The following CARS2 variants were observed in gnomAD, a reference collection of about 807,000 sequenced individuals.
CARS2 encodes the protein cysteinyl-tRNA synthetase 2, mitochondrial.
Under a neutral mutation model 68.8 loss-of-function variants are expected in CARS2, and 52 were observed. The ratio of observed to expected loss-of-function variants is 0.76; its 90% CI spans 0.61 to 0.95. CARS2 has a LOEUF of 0.95. CARS2 is among the 40% of genes least tolerant of loss of function. The pLI is 0.00. For missense variants in CARS2, 780 were observed against 754.2 expected, an observed-to-expected ratio of 1.03 and a Z score of -0.40; for synonymous variants, 314 against 303.6, an observed-to-expected ratio of 1.03 and a Z score of -0.36.
chr13:110,642,231 G>C, intron 14 of CARS2, 84 bp downstream of exon 14: 2 of 1,050,320 alleles, frequency 1.9e-6, no homozygotes, highest in Non-Finnish European at 2.8e-6. Context: ...GGTCACGGGG[G>C]ATGTCTGGGC....
At chr13:110,683,247 C>T in intron 5 of CARS2, 113 bp from the exon 6 acceptor site, 1 of 625,046 alleles carries the variant, frequency 1.6e-6, no homozygotes, top group Non-Finnish European at 2.6e-6. Context: ...TAGCATTTGG[C>T]CCCATATACA....
At chr13:110,680,163 G>T (rs983067191) in intron 6 of CARS2, among the ~76,000 whole-genome samples, 4 of 56,634 alleles carry the variant, frequency 7.1e-5, no homozygotes, top group South Asian at 4.5e-4. Flanking sequence ...GGGGGGGGGG[G>T]GGTGGATCAC....
exon 1 of CARS2, chr13:110,713,291 G>C (rs2064059504): frequency 7.8e-7 from 1 of 1,279,576 alleles, no homozygotes; most frequent in Non-Finnish European, 9.9e-7. Flanking sequence ...AGTTGCGGTA[G>C]TTGCTGTGTA....
Position 110,705,385 on chromosome 13 carries a change from A to T in CARS2, c.275+136T>A. 1 of 645,494 alleles carries T rather than the reference A, an allele frequency of 1.5e-6. No homozygotes were observed. The highest frequency in any genetic ancestry group is 2.7e-6 in the Non-Finnish European group (1 of 377,066). The allele number at this position is 645,494 out of a possible 1,614,324, so 40.0% of individuals were successfully genotyped here. The stretch of plus-strand genomic sequence containing the variant: ...TATAAGAACCAAATGAGGTTGTAAC[A>T]TTTCCCACAATGCCTGGAATGTAGG... On this transcript the variant is annotated intron_variant, in intron 2 of 14. Transcript: ENST00000257347. The surrounding 1 kb of genome is among the most constrained non-coding windows in gnomAD (Gnocchi z 4.0).
chr13:110,688,141 C>T (rs1052889623), intron 3 of CARS2, 123 bp from the exon 4 acceptor site: 5 of 584,702 alleles, frequency 8.6e-6, no homozygotes, highest in African/African-American at 7.4e-5. Flanking sequence ...TCCGGTGCCT[C>T]GGCCTCAGTT....
intron 5 of CARS2, among the ~76,000 whole-genome samples, chr13:110,684,612 C>T (rs959962378): frequency 6.0e-5 from 9 of 151,232 alleles, no homozygotes; most frequent in Non-Finnish European, 1.2e-4. Context: ...AAACCCTGCC[C>T]TGTCCCTGCA....
At position 110,647,127 on chromosome 13, in the gene CARS2, G is replaced by T; in HGVS notation, c.1167C>A (p.Ser389=). The part of the protein sequence containing the change: ...AYMKGQLACG[S]VREAMLWERL... ...TCTCCCACAGCATCGCTTCCCTGAC[G>T]GAGCCGCAGGCCAGCTGCCCCTTCA... The change falls in exon 11 of 15, where the codon TCC becomes TCA. Residue 389 remains serine (S), a synonymous_variant. Transcript: ENST00000257347. 1 of 1,602,568 alleles carries T rather than the reference G, an allele frequency of 6.2e-7. No homozygotes were observed.
intron 6 of CARS2, among the ~76,000 whole-genome samples, chr13:110,679,444 C>T (rs1325517558): frequency 1.3e-5 from 2 of 151,330 alleles, no homozygotes; most frequent in African/African-American, 2.4e-5. Flanking sequence ...GCAGGAGAAT[C>T]GCTTGAGCTC....
chr13:110,642,227 G>A (rs866775904), intron 14 of CARS2, 88 bp downstream of exon 14: 11 of 1,024,118 alleles, frequency 1.1e-5, no homozygotes, highest in African/African-American at 8.0e-5. Flanking sequence ...GCATGGTCAC[G>A]GGGGATGTCT....
intron 9 of CARS2, among the ~76,000 whole-genome samples, chr13:110,658,213 T>C (rs1240501959): frequency 6.6e-6 from 1 of 152,048 alleles, no homozygotes; most frequent in Non-Finnish European, 1.5e-5. Context: ...AATTTTGACA[T>C]GGAATAAAGG....
chr13:110,663,486 T>G lies in CARS2; in HGVS notation c.952A>C (p.Met318Leu). ...HLHAKGKEEK[M>L]SKSLKNYITI... ...ATGTAGTTCTTTAATGATTTGGACATTTTTTCTTCTTTGCCTTTGGCGTGC... is the reference window on the plus strand; with the variant it reads ...ATGTAGTTCTTTAATGATTTGGACAGTTTTTCTTCTTTGCCTTTGGCGTGC... Residue 318 changes from methionine to leucine, a missense_variant, in exon 9 of 15, where the codon ATG becomes CTG. Physicochemically the swap from Met to Leu is conservative, Grantham distance 15. Transcript: ENST00000257347. 1 of 1,613,992 alleles carries G rather than the reference T, an allele frequency of 6.2e-7. No homozygotes were observed. Among genetic ancestry groups the G allele is most frequent in the Non-Finnish European group, 8.5e-7 (1 of 1,179,956 alleles).
At chr13:110,700,779 T>C (rs922805522) in intron 3 of CARS2, among the ~76,000 whole-genome samples, 3 of 152,206 alleles carry the variant, frequency 2.0e-5, no homozygotes. Flanking sequence ...AATCAGTGGG[T>C]CTGGTTCCCT....
chr13:110,693,712 T>C (rs1343296500), intron 3 of CARS2, among the ~76,000 whole-genome samples: 2 of 152,080 alleles, frequency 1.3e-5, no homozygotes, highest in Non-Finnish European at 2.9e-5. Context: ...CTGAAACATA[T>C]GATCATTCCT....
At chr13:110,671,363 C>A (rs1383050198) in intron 7 of CARS2, among the ~76,000 whole-genome samples, 1 of 152,248 alleles carries the variant, frequency 6.6e-6, no homozygotes, top group South Asian at 2.1e-4. Flanking sequence ...AACAGCAGAT[C>A]TCCTGGCAGA....
chr13:110,643,055 GTGTGTAAA>G, intron 13 of CARS2: 1 of 315,336 alleles, frequency 3.2e-6, no homozygotes, highest in South Asian at 2.6e-5. Context: ...TTAAATCCAT[GTGTGTAAA>G]ATAAGAAACA....
At chr13:110,644,678 ATC>A in intron 12 of CARS2, 195 bp from the exon 13 acceptor site, 1 of 923,720 alleles carries the variant, frequency 1.1e-6, no homozygotes, top group Non-Finnish European at 1.5e-6. Flanking sequence ...TGCATGAGGA[ATC>A]TCTTGTGCCT....
intron 12 of CARS2, 102 bp downstream of exon 12, chr13:110,645,865 A>G: frequency 7.0e-7 from 1 of 1,430,088 alleles, no homozygotes; most frequent in Non-Finnish European, 9.4e-7. Flanking sequence ...GGGAGGCGAA[A>G]TCAGCAGAGA....
Position 110,705,875 on chromosome 13 carries a change from G to T in CARS2, c.219C>A (p.Ala73=). 1 of 1,559,860 alleles carries T rather than the reference G, an allele frequency of 6.4e-7. No homozygotes were observed. ...EPLIVAHAEA[A]SWYSCGPTVY... The stretch of plus-strand genomic sequence containing the variant: ...CCCAGTCCCGCGCGGCCCACCAGGA[G>T]GCGGCTTCGGCGTGCGCCACGATTA... Residue 73 remains alanine (A), a synonymous_variant, in exon 1 of 15, where the codon GCC becomes GCA. Transcript: ENST00000257347. This position sits in a 1 kb window ranked among gnomAD's most constrained non-coding sequence, Gnocchi z 4.0.
At chr13:110,651,001 G>A (rs768436798) in intron 10 of CARS2, 33 bp downstream of exon 10, 74 of 1,532,444 alleles carry the variant, frequency 4.8e-5, no homozygotes, top group Non-Finnish European at 5.8e-5. Flanking sequence ...TCCGAGCTGG[G>A]GGGGGAGTCC....
Sources: gnomAD v4.1 joint callset for allele counts (sites outside exome capture counted in the v4.1 genomes callset) on GRCh38, gnomAD v4.1.1 for gene constraint, Gnocchi (gnomAD v3.1) non-coding constraint, MANE v1.5 for transcripts, NCBI Gene and HGNC (gene_info 2026-07-23, HGNC 2026-07-21) for gene names.